Variants in TMPRSS2 observed in about 807,000 individuals in gnomAD.
The protein encoded by TMPRSS2 is transmembrane protease serine 2.
Under a neutral mutation model 67.4 loss-of-function variants are expected in TMPRSS2, and 59 were observed. That is an observed-to-expected ratio of 0.88 (90% confidence interval 0.71 to 1.09). The LOEUF is 1.09. Among genes scored for constraint, TMPRSS2 ranks in the 50% least tolerant of loss-of-function variants. TMPRSS2 has a pLI of 0.00. For missense variants in TMPRSS2, 668 were observed against 642.7 expected (o/e 1.04, Z -0.43); for synonymous variants, 257 against 257.0 (o/e 1.00, Z 0.00).
At chr21:41,469,813 C>T (rs142769034) in intron 11 of TMPRSS2, among the ~76,000 whole-genome samples, 1,535 of 152,318 alleles carry the variant, frequency 0.01, 12 homozygotes, top group Non-Finnish European at 0.013. Flanking sequence ...CTGTTCACTT[C>T]TGCATTCCCA....
chr21:41,472,142 T>TCCCCCACCCCCCCCCCA (rs2091139070), intron 9 of TMPRSS2, among the ~76,000 whole-genome samples, 161 bp from the exon 10 acceptor site: 1 of 147,696 alleles, frequency 6.8e-6, no homozygotes, highest in Non-Finnish European at 1.5e-5. Context: ...TCTCCCCTTC[T>TCCCCCACCCCCCCCCCA]CCCCCACACT....
At chr21:41,492,179 C>T (rs1170664786) in intron 3 of TMPRSS2, among the ~76,000 whole-genome samples, 3 of 152,020 alleles carry the variant, frequency 2.0e-5, no homozygotes, top group East Asian at 1.9e-4. Context: ...GGTGACAGAG[C>T]GAGACTTTGT....
chr21:41,476,672 C>A (rs144800717), intron 7 of TMPRSS2, 52 bp from the exon 8 acceptor site: 3 of 1,469,820 alleles, frequency 2.0e-6, no homozygotes, highest in Middle Eastern at 3.4e-4. Context: ...AGTCACCTGC[C>A]TCTCACATGC....
rs1328497911 is a variant in TMPRSS2 at position 41,466,118 on chromosome 21, C to T, written c.*24G>A. 2 of 1,613,436 alleles carry T rather than the reference C, an allele frequency of 1.2e-6. No homozygotes were observed. The highest frequency in any genetic ancestry group is 1.7e-5 in the Admixed American group (1 of 59,922). On this transcript the variant is annotated 3_prime_UTR_variant, in exon 14 of 14. Transcript: ENST00000332149. ...GCCCCATTGTTTTCTTGTAAAACGACGTCAAGGACGAAGACCATGTGGATT... is the reference window on the plus strand; with the variant it reads ...GCCCCATTGTTTTCTTGTAAAACGATGTCAAGGACGAAGACCATGTGGATT...
chr21:41,505,871 C>A (rs781662904), intron 1 of TMPRSS2, among the ~76,000 whole-genome samples: 9 of 152,136 alleles, frequency 5.9e-5, no homozygotes, highest in Admixed American at 3.9e-4. Context: ...ACTCAGAGCC[C>A]GACACTGGAA....
chr21:41,495,750 A>C (rs1321751565), intron 2 of TMPRSS2, among the ~76,000 whole-genome samples: 1 of 152,040 alleles, frequency 6.6e-6, no homozygotes, highest in African/African-American at 2.4e-5. Flanking sequence ...TTGGGGAGAA[A>C]TCAATGGCAG....
In TMPRSS2 at chr21:41,495,467, T is replaced by C. The variant is rs902802236; in HGVS notation, c.16-889A>G. Among the ~76,000 whole-genome samples the C allele has an allele frequency of 2.6e-5, 4 of 151,430 alleles. No homozygotes were observed. In the East Asian group the frequency reaches 5.8e-4, roughly 22 times the overall value. ...GGTGAAACCCCATCTGTACTAAAAA[T>C]ACAAAAAATTAGCCGGATATGGTGG... is the stretch of plus-strand genomic sequence containing the variant. On this transcript the variant is annotated intron_variant, in intron 2 of 13. Transcript: ENST00000332149.
At chr21:41,498,287 C>T in intron 1 of TMPRSS2, 98 bp from the exon 2 acceptor site, 1 of 791,034 alleles carries the variant, frequency 1.3e-6, no homozygotes, top group Non-Finnish European at 2.0e-6. Flanking sequence ...ATGAAGGTTA[C>T]CTACAACAAA....
At chr21:41,484,522 A>C (rs911363057) in intron 5 of TMPRSS2, among the ~76,000 whole-genome samples, 3 of 152,092 alleles carry the variant, frequency 2.0e-5, no homozygotes, top group East Asian at 3.8e-4. Flanking sequence ...AACAATTTCT[A>C]CTCTACGAAA....
In TMPRSS2 at chr21:41,489,415, C is replaced by A. The variant is rs1012460091; in HGVS notation, c.325+92G>T. 4 of 1,040,924 alleles carry A rather than the reference C, an allele frequency of 3.8e-6. No homozygotes were observed. In the Admixed American group the frequency reaches 9.1e-5, roughly 24 times the overall value. 64.5% of individuals were successfully genotyped at this position (1,040,924 alleles called of 1,614,324 possible). A position where few individuals can be genotyped will look rare whatever the true frequency, so the allele number is the denominator to read the frequency against. Reference sequence around the variant, plus strand: ...AAGAGAGGAACCTCACGGAGGGCCTCCAGAGGTCTCAATAGCCCAGAGAGC... The same window carrying A: ...AAGAGAGGAACCTCACGGAGGGCCTACAGAGGTCTCAATAGCCCAGAGAGC... On this transcript the variant is annotated intron_variant, in intron 4 of 13. Transcript: ENST00000332149.
chr21:41,491,520 T>C (rs1320564290), intron 3 of TMPRSS2, among the ~76,000 whole-genome samples: 4 of 152,160 alleles, frequency 2.6e-5, no homozygotes, highest in Non-Finnish European at 4.4e-5. Flanking sequence ...AGGCACACGA[T>C]GTTCTCATAA....
At position 41,494,549 on chromosome 21, in the gene TMPRSS2, A is replaced by G. The variant is rs199636550; in HGVS notation, c.45T>C (p.Tyr15=). ...TTTCCGGTTGGTATCCATGGTTTTCATAGTAAGGTCCAATAGCTGGTGGTG... is the reference window on the plus strand; with the variant it reads ...TTTCCGGTTGGTATCCATGGTTTTCGTAGTAAGGTCCAATAGCTGGTGGTG... ...SGSPPAIGPY[Y]ENHGYQPENP... Residue 15 remains tyrosine, a synonymous_variant, in exon 3 of 14, where the codon TAT becomes TAC. Coordinates refer to ENST00000332149, the MANE Select transcript of TMPRSS2 (RefSeq NM_005656.4). 3.3e-5 allele frequency: 54 copies of G among 1,613,612 alleles called. No homozygotes were observed. In the East Asian group the frequency reaches 9.4e-4, roughly 28 times the overall value.
intron 6 of TMPRSS2, among the ~76,000 whole-genome samples, chr21:41,479,527 A>C (rs915823): frequency 0.19 from 28,346 of 152,118 alleles, 3,111 homozygotes; most frequent in East Asian, 0.27. Flanking sequence ...AGGATCAAGA[A>C]ACTATGAGAA....
intron 5 of TMPRSS2, among the ~76,000 whole-genome samples, chr21:41,485,557 G>A (rs2146461504): frequency 6.6e-6 from 1 of 151,976 alleles, no homozygotes; most frequent in South Asian, 2.1e-4. Context: ...GCTGAGGCTG[G>A]GGGATCGCTT....
At position 41,478,236 on chromosome 21, in the gene TMPRSS2, GC is replaced by G; in HGVS notation, c.683+935del. 6.6e-6 allele frequency among the ~76,000 whole-genome samples: 1 copy of G among 152,310 alleles called. No individual in the cohort carries two copies. ...GACAGCAGGCTGCAGTGGAAGTCAG[GC>G]CCCCAGACCCCTCCACCAGCGGCCT... On this transcript the variant is annotated intron_variant, in intron 7 of 13. Transcript: ENST00000332149. This position sits in a 1 kb window ranked among gnomAD's most constrained non-coding sequence, Gnocchi z 4.0.
intron 5 of TMPRSS2, chr21:41,487,555 A>G (rs2091307643): frequency 6.6e-6 from 1 of 152,224 alleles, no homozygotes; most frequent in Non-Finnish European, 1.5e-5. Context: ...GTTCTTAATA[A>G]GACACGTATA....
In TMPRSS2 at chr21:41,473,069, CT is replaced by C. The variant is rs1474093577; in HGVS notation, c.899+255del. ...CAGAGGACAGTGGCTGGAAGGAACG[CT>C]GGTCACGGCGACATCGTGGAGAATG... On this transcript the variant is annotated intron_variant, in intron 9 of 13. Coordinates refer to ENST00000332149, the MANE Select transcript of TMPRSS2 (RefSeq NM_005656.4). Among the ~76,000 whole-genome samples the C allele has an allele frequency of 2.0e-5, 3 of 152,268 alleles. No homozygotes were observed. In the South Asian group the frequency reaches 6.2e-4, roughly 32 times the overall value.
intron 13 of TMPRSS2, 86 bp downstream of exon 13, chr21:41,467,648 T>G: frequency 6.5e-7 from 1 of 1,527,604 alleles, no homozygotes; most frequent in Non-Finnish European, 8.9e-7. Flanking sequence ...CCAGTCAGCT[T>G]CCAGCAGCAG....
At position 41,465,918 on chromosome 21, in the gene TMPRSS2, C is replaced by A. The variant is rs948533400; in HGVS notation, c.*224G>T. On this transcript the variant is annotated 3_prime_UTR_variant, in exon 14 of 14. Transcript: ENST00000332149. ...TTGACCGCCAGTGCCCACAACCAGC[C>A]GGCCATCACCCCTTGCGGACAAGGG... 1.0e-5 allele frequency: 6 copies of A among 598,940 alleles called. No individual in the cohort carries two copies. The highest frequency in any genetic ancestry group is 1.2e-5 in the Non-Finnish European group (4 of 332,404). 37.1% of individuals were successfully genotyped at this position (598,940 alleles called of 1,614,324 possible).
Sources: allele counts gnomAD v4.1 joint callset (sites outside exome capture counted in the v4.1 genomes callset), GRCh38; gene constraint gnomAD v4.1.1; non-coding constraint Gnocchi (gnomAD v3.1); transcripts MANE v1.5; gene names NCBI Gene and HGNC (gene_info 2026-07-23, HGNC 2026-07-21).